Variants in WWOX observed in about 807,000 individuals in gnomAD.
WWOX encodes the protein WW domain-containing oxidoreductase.
A neutral mutation model predicts 46.2 loss-of-function variants in WWOX; 69 were observed. The ratio of observed to expected loss-of-function variants is 1.49; its 90% CI spans 1.23 to 1.82. The LOEUF (loss-of-function observed/expected upper bound fraction) is 1.82, where lower values mean the gene tolerates loss of function less well. Among genes scored for constraint, WWOX ranks in the 40% most tolerant of loss-of-function variants. The probability of loss-of-function intolerance (pLI) is 0.00; values close to 1 mark genes in which losing one functional copy is unlikely to be tolerated. For missense variants in WWOX, 919 were observed against 542.6 expected (o/e 1.69, Z -6.89); for synonymous variants, 359 against 202.6 (o/e 1.77, Z -6.56).
intron 8 of WWOX, among the ~76,000 whole-genome samples, chr16:78,733,906 A>C (rs1381314615): frequency 5.3e-5 from 8 of 152,040 alleles, no homozygotes; most frequent in Admixed American, 3.3e-4. Context: ...TCTCTACAAA[A>C]AATAAAACAG....
At chr16:78,715,716 G>A (rs1480732265) in intron 8 of WWOX, among the ~76,000 whole-genome samples, 7 of 152,036 alleles carry the variant, frequency 4.6e-5, no homozygotes, top group Non-Finnish European at 1.0e-4. Flanking sequence ...ACTTCAGGTG[G>A]TCTATCCACC....
intron 8 of WWOX, among the ~76,000 whole-genome samples, chr16:79,001,552 C>T (rs931020622): frequency 6.6e-6 from 1 of 152,070 alleles, no homozygotes; most frequent in African/African-American, 2.4e-5. Flanking sequence ...AGATTATCCT[C>T]TCAGTTGGAT....
At chr16:79,203,943 T>A (rs1033887571) in intron 8 of WWOX, 1 of 152,138 alleles carries the variant, frequency 6.6e-6, no homozygotes, top group African/African-American at 2.4e-5. Context: ...ACACTAAATA[T>A]CTTCTTTTAT....
chr16:78,512,818 C>G (rs1489105111), intron 8 of WWOX, among the ~76,000 whole-genome samples: 1 of 152,144 alleles, frequency 6.6e-6, no homozygotes, highest in Non-Finnish European at 1.5e-5. Flanking sequence ...AATTTAAAAA[C>G]AGAAACAGAG....
chr16:78,691,714 G>GA (rs1017921164), intron 8 of WWOX, among the ~76,000 whole-genome samples: 9 of 151,776 alleles, frequency 5.9e-5, no homozygotes, highest in African/African-American at 1.9e-4. Context: ...TCTCCAAAAG[G>GA]AAAAAAATAA....
intron 6 of WWOX, among the ~76,000 whole-genome samples, chr16:78,411,325 TTATA>T (rs2082675902): frequency 6.6e-6 from 1 of 152,144 alleles, no homozygotes; most frequent in South Asian, 2.1e-4. Flanking sequence ...CATTGTGTGT[TTATA>T]TATTGCTAAT....
At chr16:78,435,757 G>A (rs531232484) in intron 8 of WWOX, among the ~76,000 whole-genome samples, 8 of 152,272 alleles carry the variant, frequency 5.3e-5, no homozygotes, top group Admixed American at 2.6e-4. Context: ...GCTAAGCTCA[G>A]CTCTTACCCT....
intron 8 of WWOX, 150 bp downstream of exon 8, chr16:78,432,902 T>C: frequency 7.9e-7 from 1 of 1,268,884 alleles, no homozygotes; most frequent in Non-Finnish European, 1.1e-6. Flanking sequence ...GAACACATTT[T>C]CATCAACTTT....
intron 8 of WWOX, among the ~76,000 whole-genome samples, chr16:78,479,622 G>C (rs1205906641): frequency 6.6e-6 from 1 of 152,136 alleles, no homozygotes; most frequent in Non-Finnish European, 1.5e-5. Flanking sequence ...TGCTCTCGTT[G>C]CCTCCAAGGA....
intron 8 of WWOX, among the ~76,000 whole-genome samples, chr16:78,611,868 G>C (rs533688338): frequency 6.6e-6 from 1 of 152,200 alleles, no homozygotes; most frequent in Non-Finnish European, 1.5e-5. Flanking sequence ...TGGAAGGGGC[G>C]TGGCATTGCT....
At chr16:78,561,267 A>G (rs1660087371) in intron 8 of WWOX, among the ~76,000 whole-genome samples, 1 of 152,156 alleles carries the variant, frequency 6.6e-6, no homozygotes, top group Admixed American at 6.5e-5. Flanking sequence ...AATCTCTCTG[A>G]CTTTCCTTGA....
At chr16:78,521,198 T>C (rs1165654459) in intron 8 of WWOX, among the ~76,000 whole-genome samples, 2 of 152,224 alleles carry the variant, frequency 1.3e-5, no homozygotes, top group Non-Finnish European at 2.9e-5. Context: ...TTTATCTTCT[T>C]GGCTCTTTGA....
At chr16:78,485,144 A>G (rs1438141904) in intron 8 of WWOX, among the ~76,000 whole-genome samples, 2 of 143,298 alleles carry the variant, frequency 1.4e-5, no homozygotes, top group Admixed American at 6.8e-5. Context: ...ATGTACTTTA[A>G]AAAAAAAAAT....
At chr16:78,814,643 T>C (rs1239910588) in intron 8 of WWOX, among the ~76,000 whole-genome samples, 7 of 152,242 alleles carry the variant, frequency 4.6e-5, no homozygotes, top group Non-Finnish European at 1.0e-4. Context: ...TATGGAATCA[T>C]GCACCTTAGA....
At chr16:78,984,318 C>T (rs1279482471) in intron 8 of WWOX, among the ~76,000 whole-genome samples, 3 of 152,172 alleles carry the variant, frequency 2.0e-5, no homozygotes, top group Non-Finnish European at 4.4e-5. Context: ...AAGTCCCCCA[C>T]CTCCAAGAAA....
intron 8 of WWOX, among the ~76,000 whole-genome samples, chr16:78,543,980 A>T (rs566402287): frequency 6.6e-6 from 1 of 152,302 alleles, no homozygotes; most frequent in Admixed American, 6.5e-5. Flanking sequence ...ACTGTGATTA[A>T]AGAGAATTTG....
chr16:78,182,749 G>A lies in WWOX; in HGVS notation c.516+18460G>A, dbSNP rs534250451. On this transcript the variant is annotated intron_variant, in intron 5 of 8. Transcript: ENST00000566780. ...GGGTGGATCACGAGGTCAGGAGATC[G>A]AGACCATCCTGGCTAACAAAGTGAA... 1.8e-3 allele frequency among the ~76,000 whole-genome samples: 278 copies of A among 151,954 alleles called. 1 individual carries two copies. Among genetic ancestry groups the A allele is most frequent in the African/African-American group, 6.3e-3 (260 of 41,426 alleles).
At chr16:78,853,466 G>A (rs2052497304) in intron 8 of WWOX, among the ~76,000 whole-genome samples, 1 of 152,064 alleles carries the variant, frequency 6.6e-6, no homozygotes, top group African/African-American at 2.4e-5. Flanking sequence ...TATTTATTTA[G>A]TTATTGATCA....
intron 8 of WWOX, among the ~76,000 whole-genome samples, chr16:78,599,215 G>A (rs1028207621): frequency 1.2e-4 from 19 of 152,214 alleles, no homozygotes; most frequent in South Asian, 2.1e-4. Flanking sequence ...ATGGGTCTGC[G>A]TCTTGCACAT....
Sources: allele counts gnomAD v4.1 joint callset (sites outside exome capture counted in the v4.1 genomes callset), GRCh38; gene constraint gnomAD v4.1.1; transcripts MANE v1.5; gene names NCBI Gene and HGNC (gene_info 2026-07-23, HGNC 2026-07-21).